Variants in DEPDC1B observed in about 807,000 individuals in gnomAD.
DEPDC1B encodes the protein DEP domain containing 1B.
Under a neutral mutation model 66.5 loss-of-function variants are expected in DEPDC1B, and 51 were observed. The observed-to-expected ratio is 0.77, with a 90% CI of 0.61 to 0.97. DEPDC1B has a LOEUF of 0.97. Among genes scored for constraint, DEPDC1B ranks in the 50% least tolerant of loss-of-function variants. The pLI, the probability that DEPDC1B is intolerant of heterozygous loss-of-function variation, is 0.00. For missense variants in DEPDC1B, 552 were observed against 637.1 expected (o/e 0.87, Z 1.44); for synonymous variants, 226 against 223.6 (o/e 1.01, Z -0.10).
At chr5:60,603,298 T>G in intron 9 of DEPDC1B, 93 bp downstream of exon 9, 2 of 1,208,348 alleles carry the variant, frequency 1.7e-6, no homozygotes, top group Non-Finnish European at 2.2e-6. Context: ...TTAATTCACT[T>G]AATCCTCATA....
intron 7 of DEPDC1B, among the ~76,000 whole-genome samples, chr5:60,633,856 G>C (rs935314694): frequency 1.3e-5 from 2 of 152,088 alleles, no homozygotes; most frequent in Non-Finnish European, 1.5e-5. Context: ...CATTAATGCA[G>C]GCTATAAAAT....
intron 2 of DEPDC1B, among the ~76,000 whole-genome samples, chr5:60,653,805 A>T (rs1240628922): frequency 2.0e-5 from 3 of 149,614 alleles, no homozygotes; most frequent in Admixed American, 6.6e-5. Flanking sequence ...GAGGATCCAG[A>T]TTCACTCTCC....
intron 7 of DEPDC1B, among the ~76,000 whole-genome samples, chr5:60,632,690 C>A (rs947139034): frequency 6.6e-6 from 1 of 152,240 alleles, no homozygotes; most frequent in Non-Finnish European, 1.5e-5. Flanking sequence ...GGACATGTGA[C>A]CACCAGGGAC....
At chr5:60,648,302 T>C (rs557608904) in intron 2 of DEPDC1B, among the ~76,000 whole-genome samples, 101 of 152,282 alleles carry the variant, frequency 6.6e-4, no homozygotes, top group African/African-American at 2.3e-3. Context: ...GCAGACTTCA[T>C]TAGTTTCCCC....
At chr5:60,638,699 A>G in intron 7 of DEPDC1B, 51 bp downstream of exon 7, 2 of 1,522,648 alleles carry the variant, frequency 1.3e-6, no homozygotes, top group Non-Finnish European at 1.8e-6. Context: ...TGAAAAATGA[A>G]ACGATTCAAT....
intron 5 of DEPDC1B, among the ~76,000 whole-genome samples, chr5:60,643,925 C>T (rs138686127): frequency 2.0e-5 from 3 of 152,292 alleles, no homozygotes; most frequent in African/African-American, 7.2e-5. Context: ...CTCACCACTG[C>T]TCAGGCTATT....
chr5:60,676,508 T>C (rs998999123), intron 2 of DEPDC1B, among the ~76,000 whole-genome samples: 4 of 152,184 alleles, frequency 2.6e-5, no homozygotes, highest in Non-Finnish European at 4.4e-5. Flanking sequence ...CCCTACTCCA[T>C]AGTCAGAAAT....
chr5:60,651,603 A>C (rs890482501), intron 2 of DEPDC1B, among the ~76,000 whole-genome samples: 1 of 152,154 alleles, frequency 6.6e-6, no homozygotes, highest in Non-Finnish European at 1.5e-5. Context: ...TAAGTTTGAC[A>C]TAGTTTTATT....
intron 2 of DEPDC1B, among the ~76,000 whole-genome samples, chr5:60,651,357 G>A (rs996458367): frequency 7.9e-5 from 12 of 151,818 alleles, no homozygotes; most frequent in East Asian, 7.7e-4. Context: ...GTGAAATCTC[G>A]TCTCTACTAA....
chr5:60,638,965 T>C, intron 6 of DEPDC1B, 75 bp from the exon 7 acceptor site: 1 of 1,527,396 alleles, frequency 6.5e-7, no homozygotes, highest in East Asian at 2.3e-5. Context: ...TGTGAATATG[T>C]GTGGCGTGTA....
chr5:60,677,322 A>ACTCTCT (rs1171843425), intron 2 of DEPDC1B, among the ~76,000 whole-genome samples: 133 of 99,594 alleles, frequency 1.3e-3, no homozygotes, highest in African/African-American at 6.7e-3. Context: ...ACACACACAC[A>ACTCTCT]CACACTCTCT....
Position 60,647,581 on chromosome 5 carries a change from C to G in DEPDC1B, c.315-48G>C, listed in dbSNP as rs372914236. 1.1e-5 allele frequency: 18 copies of G among 1,578,312 alleles called. No individual in the cohort carries two copies. The African/African-American group carries it at 2.2e-4, about 19-fold the overall frequency. On this transcript the variant is annotated intron_variant, in intron 2 of 10. Coordinates refer to ENST00000265036, the MANE Select transcript of DEPDC1B (RefSeq NM_018369.3). ...CTATTACTGCAGTCAGTGGGAGACA[C>G]AGATATTTTAACAATAGTCTCCACT...
intron 7 of DEPDC1B, among the ~76,000 whole-genome samples, chr5:60,638,412 G>T: frequency 6.6e-6 from 1 of 152,110 alleles, no homozygotes; most frequent in East Asian, 1.9e-4. Context: ...GTCATAGCCA[G>T]AATAACAGAT....
intron 7 of DEPDC1B, among the ~76,000 whole-genome samples, chr5:60,635,899 T>C (rs778401389): frequency 1.3e-5 from 2 of 152,226 alleles, no homozygotes; most frequent in Non-Finnish European, 2.9e-5. Context: ...GGTGAATTTA[T>C]GTGGGCCATA....
chr5:60,602,101 TGGCAGGAAGGGAGGCA>T (rs1412246805), intron 9 of DEPDC1B, among the ~76,000 whole-genome samples: 7 of 121,634 alleles, frequency 5.8e-5, no homozygotes, highest in Non-Finnish European at 9.7e-5. Flanking sequence ...AGAATGTAAG[TGGCAGGAAGGGAGGCA>T]GGCAGGAAGG....
chr5:60,672,767 T>C (rs1163504346), intron 2 of DEPDC1B, among the ~76,000 whole-genome samples: 1 of 152,156 alleles, frequency 6.6e-6, no homozygotes, highest in Non-Finnish European at 1.5e-5. Flanking sequence ...ACATGAATGG[T>C]AGTAACTGAA....
chr5:60,670,247 G>A (rs1004607189), intron 2 of DEPDC1B, among the ~76,000 whole-genome samples: 4 of 152,174 alleles, frequency 2.6e-5, no homozygotes, highest in East Asian at 1.9e-4. Flanking sequence ...AGCCGGGCGT[G>A]GTGGCAGGCG....
chr5:60,614,210 TTA>T (rs1752485280), intron 7 of DEPDC1B, among the ~76,000 whole-genome samples: 1 of 152,210 alleles, frequency 6.6e-6, no homozygotes, highest in Non-Finnish European at 1.5e-5. Context: ...AGCCTTGATT[TTA>T]TCTTTTCTGA....
In DEPDC1B at chr5:60,597,881, G is replaced by T. The variant is rs750658887; in HGVS notation, c.1462C>A (p.Arg488=). ...GCTGCACTTTCTGGTGTAGGAAATC[G>T]TTCTTGATAGACTTCAGGATAGGAT... is the stretch of plus-strand genomic sequence containing the variant. ...QKSYPEVYQE[R]FPTPESAALL... is the part of the protein sequence containing the mutation. Residue 488 remains arginine, a synonymous_variant, in exon 11 of 11, where the codon CGA becomes AGA. Coordinates refer to ENST00000265036, the MANE Select transcript of DEPDC1B (RefSeq NM_018369.3). The T allele has an allele frequency of 6.2e-7, 1 of 1,611,432 alleles. No individual in the cohort carries two copies. The highest frequency in any genetic ancestry group is 8.5e-7 in the Non-Finnish European group (1 of 1,179,264).
Sources: gnomAD v4.1 joint callset for allele counts (sites outside exome capture counted in the v4.1 genomes callset) on GRCh38, gnomAD v4.1.1 for gene constraint, MANE v1.5 for transcripts, NCBI Gene and HGNC (gene_info 2026-07-23, HGNC 2026-07-21) for gene names.